The following OPCML variants were observed in gnomAD, a reference collection of about 807,000 sequenced individuals.
OPCML encodes opioid-binding protein/cell adhesion molecule.
Under a neutral mutation model 37.8 loss-of-function variants are expected in OPCML, and 13 were observed. The observed-to-expected ratio is 0.34, with a 90% CI of 0.22 to 0.55. The LOEUF (loss-of-function observed/expected upper bound fraction) is 0.55. Among genes scored for constraint, OPCML ranks in the 20% least tolerant of loss-of-function variants. OPCML has a pLI of 0.91. For synonymous variants in OPCML, 176 were observed against 168.8 expected, an observed-to-expected ratio of 1.04 and a Z score of -0.33; for missense variants, 341 against 435.6, an observed-to-expected ratio of 0.78 and a Z score of 1.93.
intron 2 of OPCML, among the ~76,000 whole-genome samples, chr11:132,861,323 G>T: frequency 6.6e-6 from 1 of 152,146 alleles, no homozygotes; most frequent in East Asian, 1.9e-4. Context: ...GGGACACCAG[G>T]TTAGTTATTT....
At chr11:133,251,998 C>G (rs950402219) in intron 1 of OPCML, among the ~76,000 whole-genome samples, 2 of 152,156 alleles carry the variant, frequency 1.3e-5, no homozygotes, top group African/African-American at 2.4e-5. Context: ...GGGCCTCCCC[C>G]CAGAGTCGAC....
At chr11:133,529,233 C>T (rs774649068) in intron 1 of OPCML, among the ~76,000 whole-genome samples, 1 of 152,204 alleles carries the variant, frequency 6.6e-6, no homozygotes, top group Non-Finnish European at 1.5e-5. Context: ...CCGTCTGAGA[C>T]GAGGACAGGG....
At chr11:133,237,276 G>A (rs565806407) in intron 1 of OPCML, among the ~76,000 whole-genome samples, 3 of 152,194 alleles carry the variant, frequency 2.0e-5, no homozygotes, top group Admixed American at 6.5e-5. Context: ...ACCCTGGGGT[G>A]GGGGGTGGAG....
At chr11:133,015,479 T>C (rs1163011455) in intron 1 of OPCML, among the ~76,000 whole-genome samples, 1 of 119,208 alleles carries the variant, frequency 8.4e-6, no homozygotes, top group Non-Finnish European at 1.8e-5. Context: ...AAGGAAGGAA[T>C]GAAGGAAGGA....
chr11:132,840,884 C>A (rs913458839), intron 2 of OPCML, among the ~76,000 whole-genome samples: 1 of 151,924 alleles, frequency 6.6e-6, no homozygotes, highest in Non-Finnish European at 1.5e-5. Flanking sequence ...AAGGGAAGAA[C>A]GTAGTGAGAG....
intron 2 of OPCML, among the ~76,000 whole-genome samples, chr11:132,895,507 A>G (rs1943804509): frequency 6.6e-6 from 1 of 152,222 alleles, no homozygotes; most frequent in Admixed American, 6.5e-5. Context: ...GAATCACAGC[A>G]AAAGCTGAAC....
At chr11:133,258,952 G>T (rs1172784484) in intron 1 of OPCML, among the ~76,000 whole-genome samples, 1 of 152,178 alleles carries the variant, frequency 6.6e-6, no homozygotes, top group African/African-American at 2.4e-5. Flanking sequence ...TTGAAATATG[G>T]ATAATCCATT....
chr11:133,385,452 G>A, intron 1 of OPCML, among the ~76,000 whole-genome samples: 1 of 152,178 alleles, frequency 6.6e-6, no homozygotes, highest in East Asian at 1.9e-4. Context: ...GAAGGCAAAG[G>A]CTTGGTCGTC....
chr11:133,061,049 T>C (rs1395589925), intron 1 of OPCML, among the ~76,000 whole-genome samples: 1 of 152,250 alleles, frequency 6.6e-6, no homozygotes, highest in Non-Finnish European at 1.5e-5. Flanking sequence ...TTATTTTTAG[T>C]GTTGGGGAGT....
intron 3 of OPCML, among the ~76,000 whole-genome samples, chr11:132,574,193 AATTT>A (rs1416050617): frequency 7.1e-6 from 1 of 141,324 alleles, no homozygotes; most frequent in African/African-American, 3.0e-5. Context: ...TAGTTTCATT[AATTT>A]ATTTCTACCG....
chr11:132,428,110 G>T (rs1021849831), intron 7 of OPCML, among the ~76,000 whole-genome samples: 1 of 152,188 alleles, frequency 6.6e-6, no homozygotes, highest in East Asian at 1.9e-4. Flanking sequence ...CCTAAACAGA[G>T]AATTGGAATA....
chr11:132,782,723 G>A (rs954811920), intron 2 of OPCML, among the ~76,000 whole-genome samples: 1 of 151,916 alleles, frequency 6.6e-6, no homozygotes, highest in Non-Finnish European at 1.5e-5. Context: ...CTTTATGACT[G>A]TGGGTAGGCT....
intron 1 of OPCML, among the ~76,000 whole-genome samples, chr11:133,277,479 G>A (rs891095409): frequency 3.3e-5 from 5 of 151,964 alleles, no homozygotes; most frequent in Admixed American, 6.6e-5. Flanking sequence ...TCTTCCAGAC[G>A]AAGTTAAAAT....
intron 3 of OPCML, among the ~76,000 whole-genome samples, chr11:132,601,159 A>G (rs1451130901): frequency 6.6e-6 from 1 of 152,150 alleles, no homozygotes; most frequent in African/African-American, 2.4e-5. Flanking sequence ...TGTAGCACCA[A>G]CAACTCTCTG....
intron 1 of OPCML, among the ~76,000 whole-genome samples, chr11:133,444,718 C>T (rs1421016262): frequency 6.6e-6 from 1 of 152,176 alleles, no homozygotes; most frequent in African/African-American, 2.4e-5. Flanking sequence ...TTCAAATTGC[C>T]TAATAACATT....
chr11:133,506,985 T>C (rs920528918), intron 1 of OPCML, among the ~76,000 whole-genome samples: 2 of 152,188 alleles, frequency 1.3e-5, no homozygotes, highest in South Asian at 4.1e-4. Flanking sequence ...GGCATCTGAC[T>C]GCTCTGATAT....
chr11:133,118,829 C>T (rs972686696), intron 1 of OPCML, among the ~76,000 whole-genome samples: 7 of 152,160 alleles, frequency 4.6e-5, no homozygotes, highest in African/African-American at 7.2e-5. Context: ...CAGCCAGGAA[C>T]ACAGCAAAGT....
chr11:133,024,502 G>A (rs1947512352), intron 1 of OPCML: 1 of 985,266 alleles, frequency 1.0e-6, no homozygotes, highest in South Asian at 4.7e-5. Flanking sequence ...ATGAGATGTA[G>A]AGTTTAAGAA....
rs1236850398 is a variant in OPCML, at chr11:133,173,488, C to G, written c.62-230478G>C. On this transcript the variant is annotated intron_variant, in intron 1 of 7. Transcript: ENST00000524381. The surrounding 1 kb of genome is among the most constrained non-coding windows in gnomAD (Gnocchi z 7.8). ...CTAGCCACAGATGGATTCCTAGAAT[C>G]TACAGCAGAGTGTCCCCAACAATCT... is the stretch of plus-strand genomic sequence containing the variant. Among the ~76,000 whole-genome samples, 1 of 152,170 alleles carries G rather than the reference C, an allele frequency of 6.6e-6. No individual in the cohort carries two copies. The highest frequency in any genetic ancestry group is 1.5e-5 in the Non-Finnish European group (1 of 68,018).
Sources: gnomAD v4.1 joint callset for allele counts (sites outside exome capture counted in the v4.1 genomes callset) on GRCh38, gnomAD v4.1.1 for gene constraint, Gnocchi (gnomAD v3.1) non-coding constraint, MANE v1.5 for transcripts, NCBI Gene and HGNC (gene_info 2026-07-23, HGNC 2026-07-21) for gene names.